Variants in RPUSD1 observed in about 807,000 individuals in gnomAD.
The protein encoded by RPUSD1 is RNA pseudouridine synthase domain containing 1.
RPUSD1 carries 28 observed loss-of-function variants against 22.4 expected under a neutral mutation model. The ratio of observed to expected loss-of-function variants is 1.25; its 90% CI spans 0.93 to 1.72. The LOEUF is 1.72. Among genes scored for constraint, RPUSD1 ranks in the 40% most tolerant of loss-of-function variants. The pLI is 0.00. For missense variants in RPUSD1, 596 were observed against 442.2 expected (o/e 1.35, Z -3.12); for synonymous variants, 298 against 201.0 (o/e 1.48, Z -4.08).
rs755749313 is a variant in RPUSD1, at chr16:787,386, C to T, written c.274G>A (p.Glu92Lys). Residue 92 changes from glutamate to lysine, a missense_variant, in exon 3 of 6, where the codon GAG (glutamate) becomes AAG (lysine). Coordinates refer to ENST00000007264, the MANE Select transcript of RPUSD1 (RefSeq NM_058192.3). ...AAGSAYRCFK[E>K]RRVTKAYLAL... Reference sequence around the variant, plus strand: ...AGGTAAGCCTTGGTCACGCGCCGCTCCTTGAAGCACCTGTACGCGCTGCCG... The same window carrying T: ...AGGTAAGCCTTGGTCACGCGCCGCTTCTTGAAGCACCTGTACGCGCTGCCG... 1.8e-5 allele frequency: 29 copies of T among 1,590,784 alleles called. No homozygotes were observed. Among genetic ancestry groups the T allele is most frequent in the Admixed American group, 6.9e-5 (4 of 57,880 alleles).
rs770740241 is a variant in RPUSD1, at chr16:787,545, G to GC, written c.182+10dup. On this transcript the variant is annotated intron_variant, in intron 2 of 5. Transcript: ENST00000007264. ...CAGACGCCACCGTGGGGCTCCGGCC[G>GC]CCCCCCCTACCTGAACCCGTAGCAG... 4 of 1,607,530 alleles carry GC rather than the reference G, an allele frequency of 2.5e-6. No homozygotes were observed. The highest frequency in any genetic ancestry group is 1.7e-6 in the Non-Finnish European group (2 of 1,178,336).
rs1233007973 is a variant in RPUSD1 at position 788,319 on chromosome 16, C to G, written c.-71G>C. 3.2e-5 allele frequency: 7 copies of G among 221,890 alleles called. No individual in the cohort carries two copies. The highest frequency in any genetic ancestry group is 2.6e-4 in the Admixed American group (4 of 15,648). 13.7% of individuals were successfully genotyped at this position (221,890 alleles called of 1,614,324 possible). ...GCCCGGCGCCGGCTCCAGCCGCGCG[C>G]CCGCGCGCTGGCGACCCAGAGACCC... On this transcript the variant is annotated 5_prime_UTR_variant, in exon 1 of 6. Transcript: ENST00000007264.
At position 785,630 on chromosome 16, in the gene RPUSD1, G is replaced by C; in HGVS notation, c.*320C>G. ...TTGAGTCCGTAAAACTGACGCCCCT[G>C]GGGTGACGCTTGAGAGCCGGAAGCT... On this transcript the variant is annotated 3_prime_UTR_variant, in exon 6 of 6. Coordinates refer to ENST00000007264, the MANE Select transcript of RPUSD1 (RefSeq NM_058192.3). The C allele has an allele frequency of 3.1e-6, 1 of 318,278 alleles. No individual in the cohort carries two copies. Among genetic ancestry groups the C allele is most frequent in the East Asian group, 5.0e-5 (1 of 20,038 alleles). The allele number at this position is 318,278 out of a possible 1,614,324, so 19.7% of individuals were successfully genotyped here.
In RPUSD1 at chr16:785,980, C is replaced by G. The variant is rs571068556; in HGVS notation, c.909G>C (p.Leu303=). 2.1e-6 allele frequency: 3 copies of G among 1,449,428 alleles called. No individual in the cohort carries two copies. In the East Asian group the frequency reaches 7.4e-5, roughly 36 times the overall value. The allele number at this position is 1,449,428 out of a possible 1,614,324, so 89.8% of individuals were successfully genotyped here. ...EAQRGPCLQW[L]SEWTLEPDS ...TGTCCGGTTCCAGCGTCCACTCCGACAGCCACTGCAGGCAGGGGCCCCGCT... is the reference window on the plus strand; with the variant it reads ...TGTCCGGTTCCAGCGTCCACTCCGAGAGCCACTGCAGGCAGGGGCCCCGCT... The change falls in exon 6 of 6, where the codon CTG becomes CTC. Residue 303 remains leucine (L), a synonymous_variant. Coordinates refer to ENST00000007264, the MANE Select transcript of RPUSD1 (RefSeq NM_058192.3).
chr16:787,988 AAG>A (rs1285862277), intron 1 of RPUSD1: 3 of 577,492 alleles, frequency 5.2e-6, no homozygotes, highest in African/African-American at 1.9e-5. Flanking sequence ...AGCCTGGAGA[AAG>A]AGCCCGTTCC....
At chr16:787,053 C>T in intron 4 of RPUSD1, 24 bp downstream of exon 4, 1 of 1,596,382 alleles carries the variant, frequency 6.3e-7, no homozygotes, top group Middle Eastern at 1.7e-4. Flanking sequence ...CGATGCCCGC[C>T]CGGTGGGTCC....
rs1223806624 is a variant in RPUSD1 at position 787,479 on chromosome 16, TG to T, written c.183-3del. Reference sequence around the variant, plus strand: ...GAGAAATCCAGCTGGTGGCAGAACCTGGAGTGGGACAGAGTCCAGAGTCTGA... The same window carrying T: ...GAGAAATCCAGCTGGTGGCAGAACCTGAGTGGGACAGAGTCCAGAGTCTGA... On this transcript the variant is annotated splice_region_variant and splice_polypyrimidine_tract_variant and intron_variant, in intron 2 of 5. Coordinates refer to ENST00000007264, the MANE Select transcript of RPUSD1 (RefSeq NM_058192.3). The T allele has an allele frequency of 1.1e-5, 18 of 1,589,086 alleles. No homozygotes were observed. Among genetic ancestry groups the T allele is most frequent in the Non-Finnish European group, 1.5e-5 (18 of 1,168,026 alleles).
In RPUSD1 at chr16:787,349, CT is replaced by C; in HGVS notation, c.306+4del. 6.3e-7 allele frequency: 1 copy of C among 1,582,434 alleles called. No individual in the cohort carries two copies. The highest frequency in any genetic ancestry group is 8.6e-7 in the Non-Finnish European group (1 of 1,165,076). ...CGCCCCACCCCAGGACTGACCAGGT[CT>C]TACCAATGCCAGGTAAGCCTTGGTC... On this transcript the variant is annotated splice_donor_region_variant and intron_variant, in intron 3 of 5. Transcript: ENST00000007264.
Position 786,823 on chromosome 16 carries a change from A to G in RPUSD1, c.511+4T>C. The G allele has an allele frequency of 6.2e-7, 1 of 1,610,970 alleles. No homozygotes were observed. The highest frequency in any genetic ancestry group is 8.5e-7 in the Non-Finnish European group (1 of 1,178,022). On this transcript the variant is annotated splice_donor_region_variant and intron_variant, in intron 5 of 5. Coordinates refer to ENST00000007264, the MANE Select transcript of RPUSD1 (RefSeq NM_058192.3). ...CACCAGGACACCGCCCACCCCAGACACACCCGTGAGCGGCTTCAGCAGCAC... is the reference window on the plus strand; with the variant it reads ...CACCAGGACACCGCCCACCCCAGACGCACCCGTGAGCGGCTTCAGCAGCAC...
chr16:787,403 G>A lies in RPUSD1; in HGVS notation c.257C>T (p.Ala86Val), dbSNP rs1187337732. Residue 86 changes from alanine (A) to valine (V), a missense_variant, in exon 3 of 6, where the codon GCG (alanine) becomes GTG (valine). Transcript: ENST00000007264. ...GCGCCGCTCCTTGAAGCACCTGTAC[G>A]CGCTGCCGGCGGCTGCCTTGTTTAG... The part of the protein sequence containing the change: ...VALNKAAAGS[A>V]YRCFKERRVT... The A allele has an allele frequency of 2.5e-6, 4 of 1,586,200 alleles. 1 individual carries two copies. In the South Asian group the frequency reaches 3.4e-5, roughly 14 times the overall value.
intron 1 of RPUSD1, 50 bp from the exon 2 acceptor site, chr16:787,794 C>A: frequency 6.3e-7 from 1 of 1,577,550 alleles, no homozygotes; most frequent in Non-Finnish European, 8.6e-7. Flanking sequence ...GGTGCGCCCC[C>A]AGCCCAGCAT....
At chr16:788,007 G>A (rs1428281251) in intron 1 of RPUSD1, 1 of 564,162 alleles carries the variant, frequency 1.8e-6, no homozygotes, top group South Asian at 2.0e-5. Flanking sequence ...TTCCAAACCT[G>A]CCCCACAGAT....
Position 786,948 on chromosome 16 carries a change from T to C in RPUSD1, c.410-20A>G, listed in dbSNP as rs1055088930. 2 of 1,609,918 alleles carry C rather than the reference T, an allele frequency of 1.2e-6. No homozygotes were observed. The highest frequency in any genetic ancestry group is 1.7e-6 in the Non-Finnish European group (2 of 1,177,238). ...CACAACCTGGGGCGCAGAAGGCAGG[T>C]GTGAGGTTAGTGGGACTGACCCGGG... On this transcript the variant is annotated intron_variant, in intron 4 of 5. Coordinates refer to ENST00000007264, the MANE Select transcript of RPUSD1 (RefSeq NM_058192.3).
chr16:786,321 C>A lies in RPUSD1; in HGVS notation c.568G>T (p.Asp190Tyr), dbSNP rs201193190. ...CSALGHPVVG[D>Y]LTYGEVSGRE... is the part of the protein sequence containing the mutation. Reference sequence around the variant, plus strand: ...CCCGAGACTTCTCCGTAGGTCAGGTCGCCCACCACGGGGTGGCCCAGGGCA... The same window carrying A: ...CCCGAGACTTCTCCGTAGGTCAGGTAGCCCACCACGGGGTGGCCCAGGGCA... The change falls in exon 6 of 6, where the codon GAC becomes TAC. Residue 190 changes from aspartate (D) to tyrosine (Y), a missense_variant. Coordinates refer to ENST00000007264, the MANE Select transcript of RPUSD1 (RefSeq NM_058192.3). The A allele has an allele frequency of 6.2e-7, 1 of 1,612,580 alleles. No individual in the cohort carries two copies. Among genetic ancestry groups the A allele is most frequent in the Non-Finnish European group, 8.5e-7 (1 of 1,179,862 alleles).
chr16:784,975 C>T lies in RPUSD1; in HGVS notation c.*975G>A, dbSNP rs1224042945. 1 of 152,372 alleles carries T rather than the reference C, an allele frequency of 6.6e-6. No individual in the cohort carries two copies. Among genetic ancestry groups the T allele is most frequent in the Non-Finnish European group, 1.5e-5 (1 of 68,142 alleles). The allele number at this position is 152,372 out of a possible 1,614,324, so 9.4% of individuals were successfully genotyped here. A position where few individuals can be genotyped will look rare whatever the true frequency, so the allele number is the denominator to read the frequency against. ...CCACTTCGGACACGTTCACGGTCAT[C>T]CTTGGAGCCAGTCACTGAACATTTA... On this transcript the variant is annotated 3_prime_UTR_variant, in exon 6 of 6. Transcript: ENST00000007264.
rs1413950389 is a variant in RPUSD1 at position 787,048 on chromosome 16, C to T, written c.409+29G>A. 26 of 1,596,872 alleles carry T rather than the reference C, an allele frequency of 1.6e-5. No homozygotes were observed. In the East Asian group the frequency reaches 4.6e-4, roughly 28 times the overall value. ...CCCAGGCCCACCCCAACCCACGATG[C>T]CCGCCCGGTGGGTCCCTGCCTGCCA... On this transcript the variant is annotated intron_variant, in intron 4 of 5. Transcript: ENST00000007264.
chr16:787,813 A>G, intron 1 of RPUSD1, 69 bp from the exon 2 acceptor site: 2 of 1,509,846 alleles, frequency 1.3e-6, no homozygotes, highest in African/African-American at 1.4e-5. Flanking sequence ...ATACAGAGGT[A>G]CCCGCACCGC....
chr16:785,329 G>C lies in RPUSD1; in HGVS notation c.*621C>G, dbSNP rs978070158. ...GAGAGGGAACCACTGGTACAGTGAG[G>C]CCAAGGCACACGCAGCCGGGCCTGC... On this transcript the variant is annotated 3_prime_UTR_variant, in exon 6 of 6. Transcript: ENST00000007264. The C allele has an allele frequency of 2.0e-5, 3 of 152,774 alleles. No individual in the cohort carries two copies. Among genetic ancestry groups the C allele is most frequent in the African/African-American group, 4.8e-5 (2 of 41,472 alleles). The allele number at this position is 152,774 out of a possible 1,614,324, so 9.5% of individuals were successfully genotyped here. A position where few individuals can be genotyped will look rare whatever the true frequency, so the allele number is the denominator to read the frequency against.
Position 785,814 on chromosome 16 carries a change from C to T in RPUSD1, c.*136G>A. The T allele has an allele frequency of 3.8e-6, 3 of 787,492 alleles. No homozygotes were observed. Among genetic ancestry groups the T allele is most frequent in the Non-Finnish European group, 5.4e-6 (3 of 559,476 alleles). 48.8% of individuals were successfully genotyped at this position (787,492 alleles called of 1,614,324 possible). On this transcript the variant is annotated 3_prime_UTR_variant, in exon 6 of 6. Transcript: ENST00000007264. ...CCCCACCTCAGCCCTTCCTCGCAGG[C>T]CTGGCCGGGGCAACCCAGTGGGCCT... is the stretch of plus-strand genomic sequence containing the variant.
Sources: gnomAD v4.1 joint callset for allele counts on GRCh38, gnomAD v4.1.1 for gene constraint, MANE v1.5 for transcripts, NCBI Gene and HGNC (gene_info 2026-07-23, HGNC 2026-07-21) for gene names.